Variants in SETBP1 observed in about 807,000 individuals in gnomAD.
SETBP1 encodes SET binding protein 1.
A neutral mutation model predicts 101.0 loss-of-function variants in SETBP1; 9 were observed. That is an observed-to-expected ratio of 0.09 (90% CI 0.05 to 0.16). The LOEUF (loss-of-function observed/expected upper bound fraction) is 0.16. SETBP1 is among the 10% of genes least tolerant of loss of function. The pLI is 1.00. For synonymous variants in SETBP1, 818 were observed against 788.5 expected (o/e 1.04, Z -0.63); for missense variants, 1,858 against 2,033.8 (o/e 0.91, Z 1.66).
intron 4 of SETBP1, among the ~76,000 whole-genome samples, chr18:44,973,940 T>C (rs1295257194): frequency 6.6e-6 from 1 of 152,188 alleles, no homozygotes; most frequent in Non-Finnish European, 1.5e-5. Context: ...ACAGGGCTTG[T>C]CAGACTGTAG....
chr18:44,806,318 T>G (rs1382825743), intron 2 of SETBP1, among the ~76,000 whole-genome samples: 7 of 152,198 alleles, frequency 4.6e-5, no homozygotes, highest in African/African-American at 7.2e-5. Flanking sequence ...CTGGCATATT[T>G]TAGCAGGAGT....
At chr18:44,722,017 T>A (rs1370999874) in intron 2 of SETBP1, among the ~76,000 whole-genome samples, 1 of 152,240 alleles carries the variant, frequency 6.6e-6, no homozygotes, top group Non-Finnish European at 1.5e-5. Context: ...CATGTGTATG[T>A]GAGAGGGCAT....
intron 4 of SETBP1, among the ~76,000 whole-genome samples, chr18:44,992,401 A>G (rs2072398369): frequency 6.6e-6 from 1 of 152,130 alleles, no homozygotes; most frequent in South Asian, 2.1e-4. Context: ...GATCAAGATT[A>G]AAATTATGAT....
At chr18:45,032,688 C>A (rs542839100) in intron 4 of SETBP1, among the ~76,000 whole-genome samples, 1 of 152,112 alleles carries the variant, frequency 6.6e-6, no homozygotes, top group African/African-American at 2.4e-5. Context: ...AGCTATGAGA[C>A]CCTGGGGTTC....
chr18:45,048,692 G>T (rs2073660559), intron 5 of SETBP1, among the ~76,000 whole-genome samples: 1 of 152,030 alleles, frequency 6.6e-6, no homozygotes. Context: ...GAAGATTAGG[G>T]CCGGGCGCGG....
At chr18:45,001,722 C>G (rs570057503) in intron 4 of SETBP1, among the ~76,000 whole-genome samples, 1 of 152,286 alleles carries the variant, frequency 6.6e-6, no homozygotes, top group South Asian at 2.1e-4. Flanking sequence ...TATTACCCTT[C>G]TCCTTTTTGC....
chr18:44,937,790 CTT>C (rs1210441683), intron 3 of SETBP1, among the ~76,000 whole-genome samples: 1 of 152,176 alleles, frequency 6.6e-6, no homozygotes, highest in Non-Finnish European at 1.5e-5. Flanking sequence ...CCAGGTGACT[CTT>C]GTGCGCTCTG....
intron 3 of SETBP1, among the ~76,000 whole-genome samples, chr18:44,932,626 C>T (rs1193860800): frequency 3.3e-5 from 5 of 152,138 alleles, no homozygotes; most frequent in Non-Finnish European, 5.9e-5. Flanking sequence ...TTCTTGGAGG[C>T]TTTGTTCATT....
intron 2 of SETBP1, among the ~76,000 whole-genome samples, chr18:44,768,981 C>A (rs1257371334): frequency 1.3e-5 from 2 of 152,162 alleles, no homozygotes; most frequent in Non-Finnish European, 2.9e-5. Context: ...AACATACCTG[C>A]TTGTGGTTTT....
chr18:44,836,269 T>G (rs922059843), intron 2 of SETBP1, among the ~76,000 whole-genome samples: 4 of 152,228 alleles, frequency 2.6e-5, no homozygotes, highest in African/African-American at 9.6e-5. Context: ...TTCCATTATT[T>G]TCTTTGCTTA....
intron 1 of SETBP1, among the ~76,000 whole-genome samples, chr18:44,684,406 G>A (rs183452963): frequency 1.3e-5 from 2 of 152,026 alleles, no homozygotes; most frequent in African/African-American, 4.8e-5. Context: ...CTGAGTTTTC[G>A]TTTTCCCTTT....
intron 2 of SETBP1, among the ~76,000 whole-genome samples, chr18:44,747,336 G>T (rs746332083): frequency 6.6e-5 from 10 of 152,196 alleles, no homozygotes; most frequent in Non-Finnish European, 1.0e-4. Flanking sequence ...GCTCCAGGAG[G>T]TGTTACAGTA....
chr18:44,919,001 G>A (rs2039798565), intron 3 of SETBP1, among the ~76,000 whole-genome samples: 1 of 152,312 alleles, frequency 6.6e-6, no homozygotes, highest in Non-Finnish European at 1.5e-5. Flanking sequence ...AAGTAGCAAA[G>A]CCAGCATAGC....
At chr18:44,974,513 A>G (rs184774460) in intron 4 of SETBP1, among the ~76,000 whole-genome samples, 97 of 152,326 alleles carry the variant, frequency 6.4e-4, no homozygotes, top group African/African-American at 2.2e-3. Context: ...TTTTCACTGC[A>G]TAAAAGGATT....
intron 3 of SETBP1, among the ~76,000 whole-genome samples, chr18:44,925,544 CT>C (rs1475442313): frequency 6.6e-6 from 1 of 152,180 alleles, no homozygotes; most frequent in Non-Finnish European, 1.5e-5. Context: ...CCAAACCCTC[CT>C]TTTCAGCTGA....
intron 2 of SETBP1, among the ~76,000 whole-genome samples, chr18:44,814,393 A>T (rs900671666): frequency 1.3e-5 from 2 of 152,236 alleles, no homozygotes; most frequent in African/African-American, 4.8e-5. Context: ...TCCAAGGGCC[A>T]GGTTGAGTGC....
intron 3 of SETBP1, among the ~76,000 whole-genome samples, chr18:44,894,218 G>T (rs1212865368): frequency 1.3e-5 from 2 of 152,162 alleles, no homozygotes; most frequent in East Asian, 3.9e-4. Context: ...ACCAGCCAAA[G>T]AATGCAGGAA....
At chr18:44,985,188 A>T (rs1051115594) in intron 4 of SETBP1, among the ~76,000 whole-genome samples, 1 of 152,142 alleles carries the variant, frequency 6.6e-6, no homozygotes, top group Non-Finnish European at 1.5e-5. Context: ...ATCTGTCTAC[A>T]TGTGCTTTCA....
rs1446379660 is a variant in SETBP1, at chr18:44,701,962, C to A, written c.486+130C>A. ...AACGTGGGGTTGGGGATTCAGACCC[C>A]TGCACAGTTAAATCTGTGTGTAACT... On this transcript the variant is annotated intron_variant, in intron 2 of 5. Transcript: ENST00000649279. The A allele has an allele frequency of 8.7e-6, 9 of 1,029,144 alleles. No individual in the cohort carries two copies. In the African/African-American group the frequency reaches 1.5e-4, roughly 17 times the overall value. 63.8% of individuals were successfully genotyped at this position (1,029,144 alleles called of 1,614,324 possible). A position where few individuals can be genotyped will look rare whatever the true frequency, so the allele number is the denominator to read the frequency against.
Sources: gnomAD v4.1 joint callset for allele counts (sites outside exome capture counted in the v4.1 genomes callset) on GRCh38, gnomAD v4.1.1 for gene constraint, MANE v1.5 for transcripts, NCBI Gene and HGNC (gene_info 2026-07-23, HGNC 2026-07-21) for gene names.